The following KAZN variants were observed in gnomAD, a reference collection of about 807,000 sequenced individuals.
KAZN encodes kazrin.
KAZN carries 40 observed loss-of-function variants against 87.4 expected under a neutral mutation model. The observed-to-expected ratio is 0.46, with a 90% CI of 0.36 to 0.60. KAZN has a LOEUF of 0.60. Ranked by LOEUF, KAZN falls within the 20% of genes least tolerant of loss-of-function variation. The pLI is 0.00. For missense variants in KAZN, 898 were observed against 1,073.9 expected (o/e 0.84, Z 2.29); for synonymous variants, 466 against 458.3 (o/e 1.02, Z -0.22).
chr1:14,925,673 G>T (rs1360948507), intron 1 of KAZN, among the ~76,000 whole-genome samples: 1 of 152,178 alleles, frequency 6.6e-6, no homozygotes, highest in Non-Finnish European at 1.5e-5. Context: ...TAGCTGGGGA[G>T]CACACGGGCT....
At chr1:14,422,350 T>TG (rs1665480286) in intron 2 of KAZN, among the ~76,000 whole-genome samples, 2 of 152,178 alleles carry the variant, frequency 1.3e-5, no homozygotes, top group African/African-American at 4.8e-5. Flanking sequence ...ACAAGCCCAG[T>TG]GGGGAAGAGC....
intron 1 of KAZN, among the ~76,000 whole-genome samples, chr1:14,028,589 A>T (rs1014574074): frequency 1.2e-4 from 18 of 152,260 alleles, no homozygotes; most frequent in African/African-American, 3.8e-4. Flanking sequence ...TATCTTTTTT[A>T]AAAAATTCAA....
Position 14,774,784 on chromosome 1 carries a change from C to G in KAZN, c.226+175561C>G, listed in dbSNP as rs60047346. On this transcript the variant is annotated intron_variant, in intron 1 of 14. Transcript: ENST00000376030. ...GCAGGTGTAAGTCACCATGCCCAGC[C>G]CTTGAGCAGATTTTTTTATCTTATC... Among the ~76,000 whole-genome samples the G allele has an allele frequency of 8.6e-3, 1,286 of 150,262 alleles. 25 individuals carry two copies. The highest frequency in any genetic ancestry group is 0.031 in the African/African-American group (1,234 of 40,406).
At chr1:14,049,499 G>T (rs1642220139) in intron 1 of KAZN, among the ~76,000 whole-genome samples, 1 of 152,068 alleles carries the variant, frequency 6.6e-6, no homozygotes, top group South Asian at 2.1e-4. Flanking sequence ...ACCTTCCAAT[G>T]AGTACCTGCT....
At chr1:14,990,173 G>T (rs1193354978) in intron 2 of KAZN, among the ~76,000 whole-genome samples, 2 of 152,178 alleles carry the variant, frequency 1.3e-5, no homozygotes. Context: ...GCAAACTGTG[G>T]CTGGCCCTTG....
intron 3 of KAZN, among the ~76,000 whole-genome samples, chr1:15,040,774 TAAA>T (rs76695641): frequency 1.4e-5 from 2 of 142,398 alleles, no homozygotes; most frequent in African/African-American, 2.6e-5. Context: ...TCAAAAAAGT[TAAA>T]AAAAAAAAAG....
chr1:14,183,591 C>T (rs911235469), intron 2 of KAZN, among the ~76,000 whole-genome samples: 6 of 151,958 alleles, frequency 3.9e-5, no homozygotes, highest in Non-Finnish European at 7.4e-5. Context: ...TTCGTAACAC[C>T]GAAGAAGCGA....
Position 15,094,463 on chromosome 1 carries a change from C to T in KAZN, c.1428+78C>T. 1 of 1,319,168 alleles carries T rather than the reference C, an allele frequency of 7.6e-7. No individual in the cohort carries two copies. The highest frequency in any genetic ancestry group is 1.1e-6 in the Non-Finnish European group (1 of 950,140). 81.7% of individuals were successfully genotyped at this position (1,319,168 alleles called of 1,614,324 possible). On this transcript the variant is annotated intron_variant, in intron 9 of 14. Transcript: ENST00000376030. This position sits in a 1 kb window ranked among gnomAD's most constrained non-coding sequence, Gnocchi z 4.5. ...TACGTACCCAGAAGCTGGCCTGCCCCCCACTCCTACCCTGGAGTCAGGAGA... is the reference window on the plus strand; with the variant it reads ...TACGTACCCAGAAGCTGGCCTGCCCTCCACTCCTACCCTGGAGTCAGGAGA...
intron 2 of KAZN, among the ~76,000 whole-genome samples, chr1:14,383,907 G>A (rs1388970322): frequency 6.6e-6 from 1 of 151,994 alleles, no homozygotes; most frequent in African/African-American, 2.4e-5. Flanking sequence ...ACCTTGGGCA[G>A]TATGGCCATT....
intron 1 of KAZN, among the ~76,000 whole-genome samples, chr1:14,909,882 A>G (rs1357658370): frequency 6.6e-6 from 1 of 152,070 alleles, no homozygotes; most frequent in Non-Finnish European, 1.5e-5. Context: ...GCGAAACCCC[A>G]TCTCTACTAA....
At chr1:15,083,632 T>C (rs1557786261) in intron 8 of KAZN, among the ~76,000 whole-genome samples, 1 of 151,988 alleles carries the variant, frequency 6.6e-6, no homozygotes, top group Non-Finnish European at 1.5e-5. Flanking sequence ...TCTTTCCCGA[T>C]CACAGGCCTT....
rs549687811 is a variant in KAZN, at chr1:14,957,055, C to T, written c.227-3629C>T. 1.5e-4 allele frequency among the ~76,000 whole-genome samples: 23 copies of T among 152,238 alleles called. No homozygotes were observed. The South Asian group carries it at 4.4e-3, about 29-fold the overall frequency. On this transcript the variant is annotated intron_variant, in intron 1 of 14. Transcript: ENST00000376030. The stretch of plus-strand genomic sequence containing the variant: ...TGCTCTGAGCAGATGTGGGCCCTTC[C>T]GTGTTCTGTTTCTTCGTGTGTGCGT...
intron 2 of KAZN, among the ~76,000 whole-genome samples, chr1:14,559,349 T>C (rs1345646651): frequency 6.6e-6 from 1 of 152,156 alleles, no homozygotes; most frequent in Non-Finnish European, 1.5e-5. Flanking sequence ...AAGAAATGCC[T>C]AGTTGGAGAG....
chr1:14,547,163 T>C (rs1362557824), intron 2 of KAZN, among the ~76,000 whole-genome samples: 1 of 152,238 alleles, frequency 6.6e-6, no homozygotes, highest in Non-Finnish European at 1.5e-5. Flanking sequence ...TCTCCCAATG[T>C]TACCAAAGGG....
At chr1:14,447,914 A>G (rs914517783) in intron 2 of KAZN, among the ~76,000 whole-genome samples, 1 of 152,224 alleles carries the variant, frequency 6.6e-6, no homozygotes, top group Non-Finnish European at 1.5e-5. Context: ...GTTAGAACCC[A>G]TTTCTGTCAC....
At chr1:14,309,204 T>TA (rs780568430) in intron 2 of KAZN, among the ~76,000 whole-genome samples, 38 of 152,200 alleles carry the variant, frequency 2.5e-4, no homozygotes, top group Non-Finnish European at 4.3e-4. Flanking sequence ...TGCAACAGGA[T>TA]AAGCAACCCT....
intron 2 of KAZN, among the ~76,000 whole-genome samples, chr1:14,407,209 A>G (rs1663925920): frequency 6.6e-6 from 1 of 152,074 alleles, no homozygotes; most frequent in South Asian, 2.1e-4. Flanking sequence ...GCTCCTGTGA[A>G]CTCTTGTCCA....
chr1:15,023,479 C>G (rs372372891), intron 2 of KAZN, among the ~76,000 whole-genome samples: 1 of 151,906 alleles, frequency 6.6e-6, no homozygotes, highest in African/African-American at 2.4e-5. Flanking sequence ...GCAGAGGTCC[C>G]GAGGAAGGAG....
intron 2 of KAZN, among the ~76,000 whole-genome samples, chr1:14,304,380 C>G (rs1196942384): frequency 6.6e-6 from 1 of 152,170 alleles, no homozygotes; most frequent in Admixed American, 6.5e-5. Flanking sequence ...GAGAAAAGGA[C>G]TTACCCCAGC....
Sources: allele counts gnomAD v4.1 joint callset (sites outside exome capture counted in the v4.1 genomes callset), GRCh38; gene constraint gnomAD v4.1.1; non-coding constraint Gnocchi (gnomAD v3.1); transcripts MANE v1.5; gene names NCBI Gene and HGNC (gene_info 2026-07-23, HGNC 2026-07-21).